ITSN2: variants seen among roughly 807,000 people sequenced by gnomAD.
ITSN2 encodes the protein intersectin 2.
ITSN2 carries 156 observed loss-of-function variants against 243.7 expected under a neutral mutation model. The ratio of observed to expected loss-of-function variants is 0.64; its 90% CI spans 0.56 to 0.73. The LOEUF (loss-of-function observed/expected upper bound fraction) is 0.73, where lower values mean the gene tolerates loss of function less well. ITSN2 is among the 30% of genes least tolerant of loss of function. The pLI is 0.00. For synonymous variants in ITSN2, 703 were observed against 699.9 expected, an observed-to-expected ratio of 1.00 and a Z score of -0.07; for missense variants, 1,801 against 1,996.1, an observed-to-expected ratio of 0.90 and a Z score of 1.86.
At chr2:24,335,749 A>C (rs1686293277) in intron 1 of ITSN2, among the ~76,000 whole-genome samples, 3 of 151,310 alleles carry the variant, frequency 2.0e-5, no homozygotes, top group African/African-American at 2.4e-5. Context: ...AGTGATTCTC[A>C]TGCCTCAGCC....
intron 1 of ITSN2, among the ~76,000 whole-genome samples, chr2:24,356,275 G>C (rs1227523242): frequency 1.3e-5 from 2 of 149,046 alleles, no homozygotes; most frequent in Non-Finnish European, 3.0e-5. Context: ...GAACCTGGTA[G>C]GCAGAGATTG....
At chr2:24,234,013 T>G (rs1003354828) in intron 29 of ITSN2, among the ~76,000 whole-genome samples, 1 of 152,128 alleles carries the variant, frequency 6.6e-6, no homozygotes, top group East Asian at 1.9e-4. Flanking sequence ...AGACCCAGAA[T>G]AGCCAACAAA....
Position 24,225,053 on chromosome 2 carries a change from T to C in ITSN2, c.3578-3987A>G, listed in dbSNP as rs556071278. ...CGAGGCCTCTCTTCCTCCCCTTCTG[T>C]CTGTCCATTTGTCCCTGTGTGTCCT... On this transcript the variant is annotated intron_variant, in intron 29 of 39. Transcript: ENST00000355123. This position sits in a 1 kb window ranked among gnomAD's most constrained non-coding sequence, Gnocchi z 4.2. Among the ~76,000 whole-genome samples, 5 of 152,148 alleles carry C rather than the reference T, an allele frequency of 3.3e-5. No individual in the cohort carries two copies. The highest frequency in any genetic ancestry group is 7.3e-5 in the Non-Finnish European group (5 of 68,030).
chr2:24,295,526 C>T (rs1680839407), intron 14 of ITSN2, 138 bp downstream of exon 14: 1 of 536,690 alleles, frequency 1.9e-6, no homozygotes, highest in East Asian at 3.3e-5. Context: ...CTGGGCTGGT[C>T]TCGAACTCCT....
At chr2:24,219,852 T>C (rs960441033) in intron 30 of ITSN2, among the ~76,000 whole-genome samples, 2 of 152,182 alleles carry the variant, frequency 1.3e-5, no homozygotes, top group East Asian at 3.8e-4. Context: ...TTCTAGGCCA[T>C]CTATCCTGGC....
At chr2:24,257,742 C>A in intron 23 of ITSN2, 146 bp downstream of exon 23, 3 of 673,530 alleles carry the variant, frequency 4.5e-6, no homozygotes, top group Non-Finnish European at 7.5e-6. Flanking sequence ...CAGGTGTGAG[C>A]CACCACGGCC....
At chr2:24,265,380 T>G (rs1384362029) in intron 20 of ITSN2, among the ~76,000 whole-genome samples, 1 of 152,252 alleles carries the variant, frequency 6.6e-6, no homozygotes, top group Non-Finnish European at 1.5e-5. Flanking sequence ...TATTTTAAAT[T>G]TCAATTTCTG....
intron 20 of ITSN2, among the ~76,000 whole-genome samples, chr2:24,269,712 TAGTC>T (rs1677113304): frequency 6.6e-6 from 1 of 152,198 alleles, no homozygotes; most frequent in Admixed American, 6.5e-5. Context: ...TAGTCTAACA[TAGTC>T]AGCCCTCAAA....
intron 4 of ITSN2, 133 bp downstream of exon 4, chr2:24,313,327 A>G: frequency 1.1e-5 from 7 of 624,216 alleles, no homozygotes; most frequent in Non-Finnish European, 1.9e-5. Flanking sequence ...CTCCTACCTC[A>G]GACTCCCAAA....
At chr2:24,289,914 C>T (rs1044827666) in intron 15 of ITSN2, among the ~76,000 whole-genome samples, 1 of 152,162 alleles carries the variant, frequency 6.6e-6, no homozygotes, top group African/African-American at 2.4e-5. Context: ...GATGAAAAGT[C>T]TTCAGTTTAC....
chr2:24,222,668 C>CTTTTTTTTTTT (rs56149622), intron 29 of ITSN2, among the ~76,000 whole-genome samples: 13 of 77,238 alleles, frequency 1.7e-4, no homozygotes, highest in East Asian at 3.8e-4. Context: ...TTTTTCTTTT[C>CTTTTTTTTTTT]TTTTTTTTTT....
At chr2:24,305,245 T>C (rs11125535) in intron 8 of ITSN2, among the ~76,000 whole-genome samples, 85,528 of 151,830 alleles carry the variant, frequency 0.56, 24,976 homozygotes, top group East Asian at 0.74. Context: ...CATCAATGAC[T>C]TGATCTAAAT....
At chr2:24,219,992 G>A (rs79336925) in intron 30 of ITSN2, among the ~76,000 whole-genome samples, 84 of 152,350 alleles carry the variant, frequency 5.5e-4, no homozygotes, top group East Asian at 4.8e-3. Flanking sequence ...GCCCACAGGC[G>A]TGCAGTGAAG....
At chr2:24,304,257 G>A (rs367779944) in intron 8 of ITSN2, among the ~76,000 whole-genome samples, 1 of 152,138 alleles carries the variant, frequency 6.6e-6, no homozygotes. Flanking sequence ...AGAGTCAGGC[G>A]CTACTCTGGG....
chr2:24,229,496 C>T (rs1025882198), intron 29 of ITSN2, among the ~76,000 whole-genome samples: 2 of 151,884 alleles, frequency 1.3e-5, no homozygotes, highest in African/African-American at 4.8e-5. Flanking sequence ...GGCTGAGGTG[C>T]GAGAATCACT....
At chr2:24,220,221 AG>A (rs1285115560) in intron 30 of ITSN2, 2 of 530,488 alleles carry the variant, frequency 3.8e-6, no homozygotes, top group Non-Finnish European at 4.8e-6. Flanking sequence ...GTGTGGGGGT[AG>A]GGGACGCCTG....
chr2:24,268,220 T>A (rs1676903790), intron 20 of ITSN2, among the ~76,000 whole-genome samples: 1 of 152,220 alleles, frequency 6.6e-6, no homozygotes, highest in African/African-American at 2.4e-5. Context: ...TCTAATCCTT[T>A]TCACTTTCAA....
At chr2:24,345,319 A>G (rs1183014687) in intron 1 of ITSN2, among the ~76,000 whole-genome samples, 1 of 152,200 alleles carries the variant, frequency 6.6e-6, no homozygotes, top group East Asian at 1.9e-4. Context: ...CAAATAATGT[A>G]CAATTATGAA....
intron 2 of ITSN2, among the ~76,000 whole-genome samples, chr2:24,320,068 T>C (rs1684374703): frequency 6.6e-6 from 1 of 152,108 alleles, no homozygotes. Flanking sequence ...TCAGGCCAGG[T>C]AGAAAAGTTA....
Sources: gnomAD v4.1 joint callset for allele counts (sites outside exome capture counted in the v4.1 genomes callset) on GRCh38, gnomAD v4.1.1 for gene constraint, Gnocchi (gnomAD v3.1) non-coding constraint, MANE v1.5 for transcripts, NCBI Gene and HGNC (gene_info 2026-07-23, HGNC 2026-07-21) for gene names.